Variants in TMEM178B observed in about 807,000 individuals in gnomAD.
The protein encoded by TMEM178B is transmembrane protein 178B.
A neutral mutation model predicts 31.0 loss-of-function variants in TMEM178B; 5 were observed. That is an observed-to-expected ratio of 0.16 (90% confidence interval 0.08 to 0.34). The LOEUF is 0.34. TMEM178B is among the 10% of genes least tolerant of loss of function. TMEM178B has a pLI of 1.00. For missense variants in TMEM178B, 275 were observed against 400.3 expected, an observed-to-expected ratio of 0.69 and a Z score of 2.67; for synonymous variants, 164 against 164.0, an observed-to-expected ratio of 1.00 and a Z score of 0.00.
intron 1 of TMEM178B, among the ~76,000 whole-genome samples, chr7:141,121,502 T>A (rs1485683335): frequency 6.6e-6 from 1 of 152,228 alleles, no homozygotes. Flanking sequence ...TTAGATCACC[T>A]CTTCCATGAG....
At chr7:141,178,748 C>A (rs950883650) in intron 1 of TMEM178B, among the ~76,000 whole-genome samples, 8 of 152,170 alleles carry the variant, frequency 5.3e-5, no homozygotes, top group Admixed American at 3.3e-4. Flanking sequence ...TCTCCTGAGT[C>A]CTACTTTGAC....
chr7:141,219,721 G>A (rs112707449), intron 2 of TMEM178B, among the ~76,000 whole-genome samples: 2,917 of 152,220 alleles, frequency 0.019, 102 homozygotes, highest in African/African-American at 0.066. Context: ...TATGCACCAG[G>A]CCAGGCAGAG....
chr7:141,489,745 G>A, the TMEM178B span, among the ~76,000 whole-genome samples: 1 of 152,192 alleles, frequency 6.6e-6, no homozygotes, highest in Non-Finnish European at 1.5e-5. Flanking sequence ...GAAACTTGTG[G>A]GAAAGCAGTT....
intron 1 of TMEM178B, among the ~76,000 whole-genome samples, chr7:141,122,532 A>G (rs1051332705): frequency 1.3e-5 from 2 of 152,240 alleles, no homozygotes; most frequent in African/African-American, 4.8e-5. Context: ...ATCCTGTCCT[A>G]GGAATGGTGG....
At chr7:141,451,369 G>A (rs78945709) in intron 3 of TMEM178B, among the ~76,000 whole-genome samples, 100 of 152,290 alleles carry the variant, frequency 6.6e-4, no homozygotes, top group Non-Finnish European at 1.0e-3. Flanking sequence ...TTAATACTGC[G>A]TGCTCAGTTT....
chr7:141,492,492 C>T, the TMEM178B span, among the ~76,000 whole-genome samples: 3 of 152,204 alleles, frequency 2.0e-5, no homozygotes, highest in African/African-American at 7.2e-5. Flanking sequence ...GAGCCTAGCA[C>T]AATGCCTGGC....
chr7:141,113,465 G>A (rs188754792), intron 1 of TMEM178B, among the ~76,000 whole-genome samples: 73 of 152,318 alleles, frequency 4.8e-4, no homozygotes, highest in Non-Finnish European at 9.9e-4. Context: ...TGCACAGCCA[G>A]ATGGGACTAC....
At chr7:141,271,943 C>T (rs1798192450) in intron 2 of TMEM178B, among the ~76,000 whole-genome samples, 1 of 152,216 alleles carries the variant, frequency 6.6e-6, no homozygotes, top group African/African-American at 2.4e-5. Flanking sequence ...ACCTTCAGAT[C>T]TGCCCTATTG....
chr7:141,359,667 T>C (rs760830578), intron 2 of TMEM178B, among the ~76,000 whole-genome samples: 8 of 152,180 alleles, frequency 5.3e-5, no homozygotes, highest in Non-Finnish European at 1.0e-4. Flanking sequence ...CAGTCCAGAA[T>C]TGGGGGCTGT....
At chr7:141,148,355 C>T (rs575928164) in intron 1 of TMEM178B, among the ~76,000 whole-genome samples, 125 of 152,270 alleles carry the variant, frequency 8.2e-4, no homozygotes, top group Admixed American at 1.7e-3. Context: ...ATGTGAACAT[C>T]TTTAGAGGAG....
intron 2 of TMEM178B, among the ~76,000 whole-genome samples, chr7:141,338,337 C>T (rs1428510507): frequency 6.6e-6 from 1 of 152,162 alleles, no homozygotes; most frequent in Non-Finnish European, 1.5e-5. Context: ...ATTGAGCATT[C>T]TCTGAACTTT....
At chr7:141,494,620 T>G in the TMEM178B span, among the ~76,000 whole-genome samples, 1 of 152,194 alleles carries the variant, frequency 6.6e-6, no homozygotes, top group African/African-American at 2.4e-5. Flanking sequence ...AAATTATTGT[T>G]CAGCCCAGAA....
At chr7:141,217,807 C>T (rs1206191085) in intron 2 of TMEM178B, among the ~76,000 whole-genome samples, 2 of 151,920 alleles carry the variant, frequency 1.3e-5, no homozygotes, top group African/African-American at 2.4e-5. Context: ...TTCTGCTTGG[C>T]GTTTTCAAGA....
intron 3 of TMEM178B, among the ~76,000 whole-genome samples, chr7:141,460,455 A>G (rs908944028): frequency 4.6e-5 from 7 of 152,266 alleles, no homozygotes; most frequent in Non-Finnish European, 8.8e-5. Flanking sequence ...GTAGTCACAT[A>G]TGAAATACTA....
chr7:141,499,345 C>T, the TMEM178B span, among the ~76,000 whole-genome samples: 815 of 151,348 alleles, frequency 5.4e-3, 5 homozygotes, highest in East Asian at 0.01. Flanking sequence ...ACGGAAAAGA[C>T]GGCTGCATGT....
chr7:141,126,670 T>A (rs1184494889), intron 1 of TMEM178B, among the ~76,000 whole-genome samples: 1 of 152,210 alleles, frequency 6.6e-6, no homozygotes, highest in Non-Finnish European at 1.5e-5. Context: ...TGGAAGATAA[T>A]GACACAGTAA....
rs957258074 is a variant in TMEM178B, at chr7:141,471,433, G to C, written c.*647G>C. 6.6e-6 allele frequency: 1 copy of C among 152,088 alleles called. No homozygotes were observed. The highest frequency in any genetic ancestry group is 2.1e-4 in the South Asian group (1 of 4,820). 9.4% of individuals were successfully genotyped at this position (152,088 alleles called of 1,614,324 possible). On this transcript the variant is annotated 3_prime_UTR_variant, in exon 4 of 4. Coordinates refer to ENST00000565468, the MANE Select transcript of TMEM178B (RefSeq NM_001195278.2). The surrounding 1 kb of genome is among the most constrained non-coding windows in gnomAD (Gnocchi z 4.1). ...ATCTGCATCAATGAAAGGACGCTTC[G>C]GTGGATGCTCAGACAACCCAGTCTT...
chr7:141,360,335 T>A (rs1799896161), intron 2 of TMEM178B, among the ~76,000 whole-genome samples: 1 of 152,218 alleles, frequency 6.6e-6, no homozygotes, highest in African/African-American at 2.4e-5. Context: ...TCTGCTCTCA[T>A]AGAAACTCCT....
chr7:141,161,192 A>AG (rs1796166054), intron 1 of TMEM178B, among the ~76,000 whole-genome samples: 1 of 152,174 alleles, frequency 6.6e-6, no homozygotes, highest in African/African-American at 2.4e-5. Flanking sequence ...AGGAAGGGGA[A>AG]GAGAGATGTA....
Sources: allele counts gnomAD v4.1 joint callset (sites outside exome capture counted in the v4.1 genomes callset), GRCh38; gene constraint gnomAD v4.1.1; non-coding constraint Gnocchi (gnomAD v3.1); transcripts MANE v1.5; gene names NCBI Gene and HGNC (gene_info 2026-07-23, HGNC 2026-07-21).